The following EFHD1 variants were observed in gnomAD, a reference collection of about 807,000 sequenced individuals.
EFHD1 encodes the protein EF-hand domain-containing protein D1.
A neutral mutation model predicts 17.2 loss-of-function variants in EFHD1; 10 were observed. The ratio of observed to expected loss-of-function variants is 0.58; its 90% CI spans 0.36 to 0.99. EFHD1 has a LOEUF of 0.99. Ranked by LOEUF, EFHD1 falls within the 50% of genes least tolerant of loss-of-function variation. The pLI is 0.01. For synonymous variants in EFHD1, 153 were observed against 142.0 expected (o/e 1.08, Z -0.55); for missense variants, 310 against 327.5 (o/e 0.95, Z 0.41).
chr2:232,636,211 C>A (rs1694318091), intron 1 of EFHD1, among the ~76,000 whole-genome samples: 1 of 152,086 alleles, frequency 6.6e-6, no homozygotes, highest in African/African-American at 2.4e-5. Context: ...ATTGGATTAC[C>A]TTCCAGATTT....
At chr2:232,615,150 C>T (rs1343876758) in intron 1 of EFHD1, among the ~76,000 whole-genome samples, 1 of 152,142 alleles carries the variant, frequency 6.6e-6, no homozygotes, top group Non-Finnish European at 1.5e-5. Flanking sequence ...CCACCACTTA[C>T]AGCTCGAAAT....
At chr2:232,650,995 C>T (rs1028643115) in intron 1 of EFHD1, among the ~76,000 whole-genome samples, 1 of 152,206 alleles carries the variant, frequency 6.6e-6, no homozygotes, top group Non-Finnish European at 1.5e-5. Context: ...ATAAGCCTGA[C>T]AGCATTTGAA....
intron 1 of EFHD1, among the ~76,000 whole-genome samples, chr2:232,623,171 C>T (rs1034658569): frequency 7.9e-5 from 12 of 152,050 alleles, no homozygotes; most frequent in Admixed American, 5.9e-4. Context: ...TTTGGCCTCC[C>T]GAGTAGTTGG....
chr2:232,664,620 T>G (rs1389293906), intron 2 of EFHD1, among the ~76,000 whole-genome samples: 2 of 139,330 alleles, frequency 1.4e-5, no homozygotes, highest in Non-Finnish European at 3.1e-5. Context: ...TTTTTTTTTT[T>G]TTTTTTTTTT....
chr2:232,653,208 G>A lies in EFHD1; in HGVS notation c.303-9594G>A, dbSNP rs141022781. ...AGGGTTTTGCCATGTTGGCCAGCTG[G>A]TCTCAAACTCCTGACCTCAGGTGAT... On this transcript the variant is annotated intron_variant, in intron 1 of 3. Transcript: ENST00000264059. Among the ~76,000 whole-genome samples the A allele has an allele frequency of 4.3e-3, 654 of 152,200 alleles. 4 individuals are homozygous for A. Among genetic ancestry groups the A allele is most frequent in the African/African-American group, 0.015 (608 of 41,526 alleles).
At chr2:232,650,166 A>G (rs1221803018) in intron 1 of EFHD1, 1 of 152,164 alleles carries the variant, frequency 6.6e-6, no homozygotes, top group Non-Finnish European at 1.5e-5. Context: ...ACAATAGCAA[A>G]GATGAAAGGA....
rs186241151 is a variant in EFHD1, at chr2:232,619,660, A to T, written c.14+13487A>T. 1.1e-4 allele frequency among the ~76,000 whole-genome samples: 17 copies of T among 152,162 alleles called. No homozygotes were observed. In the East Asian group the frequency reaches 2.7e-3, roughly 24 times the overall value. On this transcript the variant is annotated intron_variant, in intron 1 of 3. Transcript: ENST00000409613. ...TGGTATTTTTCTGGAATGATGAAAA[A>T]ATTTTGAAACTAGAAAGAGGTGGTG...
At chr2:232,680,982 T>C (rs1460615397) in intron 3 of EFHD1, among the ~76,000 whole-genome samples, 3 of 151,400 alleles carry the variant, frequency 2.0e-5, no homozygotes, top group African/African-American at 4.9e-5. Context: ...GCCTCCAGCC[T>C]GTAAATTTTG....
At chr2:232,651,603 G>A (rs1694655195) in intron 1 of EFHD1, among the ~76,000 whole-genome samples, 1 of 152,226 alleles carries the variant, frequency 6.6e-6, no homozygotes, top group South Asian at 2.1e-4. Flanking sequence ...TGTGTGATGA[G>A]CACATTGAGG....
rs572302481 is a variant in EFHD1 at position 232,641,872 on chromosome 2, G to C, written c.302+7866G>C. ...CCCAGTTGGGTAGGCAGCATAGTGA[G>C]GCCTGAGTTCCAGGACCCCAGAGTT... On this transcript the variant is annotated intron_variant, in intron 1 of 3. Transcript: ENST00000264059. 4.6e-5 allele frequency among the ~76,000 whole-genome samples: 7 copies of C among 152,322 alleles called. No individual in the cohort carries two copies. In the South Asian group the frequency reaches 1.5e-3, roughly 32 times the overall value.
chr2:232,626,018 C>T (rs987898621), intron 1 of EFHD1, among the ~76,000 whole-genome samples: 1 of 151,708 alleles, frequency 6.6e-6, no homozygotes, highest in African/African-American at 2.4e-5. Context: ...GGCAAGACCA[C>T]GTCTCTACAA....
chr2:232,658,457 A>C (rs760414715), intron 1 of EFHD1, among the ~76,000 whole-genome samples: 3 of 152,322 alleles, frequency 2.0e-5, no homozygotes, highest in Non-Finnish European at 2.9e-5. Context: ...TTTCTGTTAG[A>C]TCAACTTGAC....
At chr2:232,663,985 G>A (rs972406794) in intron 2 of EFHD1, among the ~76,000 whole-genome samples, 1 of 151,930 alleles carries the variant, frequency 6.6e-6, no homozygotes, top group Non-Finnish European at 1.5e-5. Flanking sequence ...GTAGAGATGA[G>A]GTCTCACTGT....
At chr2:232,627,032 CTCTCTATA>C (rs1384145883) in intron 1 of EFHD1, among the ~76,000 whole-genome samples, 32 of 61,742 alleles carry the variant, frequency 5.2e-4, no homozygotes, top group Non-Finnish European at 9.0e-4. Context: ...CTCTCTCTCT[CTCTCTATA>C]TATATATATA....
chr2:232,653,097 G>GT (rs1694689474), intron 1 of EFHD1, among the ~76,000 whole-genome samples: 1 of 152,016 alleles, frequency 6.6e-6, no homozygotes, highest in Admixed American at 6.6e-5. Flanking sequence ...GGGTTCAAGA[G>GT]TTTCTTCTGC....
upstream of EFHD1, among the ~76,000 whole-genome samples, chr2:232,629,688 C>T (rs539553738): frequency 9.2e-5 from 14 of 151,904 alleles, no homozygotes; most frequent in East Asian, 3.9e-4. Context: ...AGGCTGGTCT[C>T]GAACTCCTGA....
At chr2:232,643,086 G>T (rs998658311) in intron 1 of EFHD1, among the ~76,000 whole-genome samples, 1 of 152,096 alleles carries the variant, frequency 6.6e-6, no homozygotes. Flanking sequence ...AGGTGGCAAG[G>T]TGTGAGTTTC....
At chr2:232,663,062 A>T (rs1694905345) in intron 2 of EFHD1, 113 bp downstream of exon 2, 4 of 1,228,032 alleles carry the variant, frequency 3.3e-6, no homozygotes, top group Non-Finnish European at 4.3e-6. Flanking sequence ...CTGTTTGCGT[A>T]TCTAACCTGC....
At chr2:232,645,979 TAGCCA>T (rs753789691) in intron 1 of EFHD1, among the ~76,000 whole-genome samples, 41 of 152,152 alleles carry the variant, frequency 2.7e-4, no homozygotes, top group Non-Finnish European at 5.4e-4. Context: ...ATCCCCTGCA[TAGCCA>T]GGCAGGGCCT....
Sources: gnomAD v4.1 joint callset for allele counts (sites outside exome capture counted in the v4.1 genomes callset) on GRCh38, gnomAD v4.1.1 for gene constraint, MANE v1.5 for transcripts, NCBI Gene and HGNC (gene_info 2026-07-23, HGNC 2026-07-21) for gene names.